The following USP54 variants were observed in gnomAD, a reference collection of about 807,000 sequenced individuals.
USP54 encodes the protein ubiquitin specific peptidase 54.
USP54 carries 87 observed loss-of-function variants against 170.5 expected under a neutral mutation model. The ratio of observed to expected loss-of-function variants is 0.51; its 90% confidence interval spans 0.43 to 0.61. USP54 has a LOEUF of 0.61. Among genes scored for constraint, USP54 ranks in the 20% least tolerant of loss-of-function variants. The pLI is 0.00. For missense variants in USP54, 1,786 were observed against 2,047.8 expected, an observed-to-expected ratio of 0.87 and a Z score of 2.47; for synonymous variants, 655 against 742.8, an observed-to-expected ratio of 0.88 and a Z score of 1.92.
intron 1 of USP54, among the ~76,000 whole-genome samples, chr10:73,620,047 T>TC (rs1196318634): frequency 2.0e-5 from 3 of 150,378 alleles, no homozygotes; most frequent in Non-Finnish European, 2.9e-5. Context: ...GCACAGTGGG[T>TC]CACACCTGTA....
upstream of USP54, among the ~76,000 whole-genome samples, chr10:73,595,630 T>G (rs982747421): frequency 8.5e-5 from 13 of 152,250 alleles, no homozygotes; most frequent in African/African-American, 3.1e-4. Flanking sequence ...TTCATTTATT[T>G]AACTATATCT....
chr10:73,586,221 C>A (rs2077466358), intron 1 of USP54, among the ~76,000 whole-genome samples: 1 of 152,148 alleles, frequency 6.6e-6, no homozygotes, highest in African/African-American at 2.4e-5. Context: ...AACAAATATA[C>A]CCTGTCCTTT....
At chr10:73,622,773 G>C (rs2081194425) in intron 1 of USP54, among the ~76,000 whole-genome samples, 1 of 151,668 alleles carries the variant, frequency 6.6e-6, no homozygotes, top group African/African-American at 2.4e-5. Flanking sequence ...GGCAACATAG[G>C]GAGATCCTGT....
chr10:73,615,290 C>T (rs2080527106), intron 1 of USP54: 1 of 149,052 alleles, frequency 6.7e-6, no homozygotes, highest in Non-Finnish European at 1.5e-5. Flanking sequence ...ACCCGGGAGG[C>T]AGAAGTTGCA....
At chr10:73,541,913 G>T in intron 7 of USP54, 175 bp from the exon 8 acceptor site, 2 of 611,676 alleles carry the variant, frequency 3.3e-6, no homozygotes, top group Non-Finnish European at 5.8e-6. Flanking sequence ...CCTGTCCCCA[G>T]ATCCAAAGCT....
At chr10:73,602,342 G>C (rs1457723689) in intron 1 of USP54, among the ~76,000 whole-genome samples, 1 of 151,712 alleles carries the variant, frequency 6.6e-6, no homozygotes, top group Non-Finnish European at 1.5e-5. Context: ...CACGAGGTCA[G>C]GAGATCAAGA....
At chr10:73,568,369 GA>G (rs1349327805) in intron 4 of USP54, among the ~76,000 whole-genome samples, 29 of 152,256 alleles carry the variant, frequency 1.9e-4, no homozygotes, top group African/African-American at 6.0e-4. Flanking sequence ...AATAGCTCTT[GA>G]AAACTGGCTA....
intron 15 of USP54, among the ~76,000 whole-genome samples, chr10:73,528,385 G>T (rs2063338417): frequency 6.6e-6 from 1 of 151,566 alleles, no homozygotes; most frequent in Admixed American, 6.6e-5. Flanking sequence ...CCAAGTAGCT[G>T]GGATTACAGG....
At chr10:73,624,386 G>GA (rs1397943259) in intron 1 of USP54, 2 of 105,122 alleles carry the variant, frequency 1.9e-5, no homozygotes, top group African/African-American at 7.9e-5. Context: ...TTTTAGTAGA[G>GA]ACGGGGGGGG....
In USP54 at chr10:73,530,739, C is replaced by T; in HGVS notation, c.1412G>A (p.Gly471Asp). 1.2e-6 allele frequency: 2 copies of T among 1,614,186 alleles called. No individual in the cohort carries two copies. Among genetic ancestry groups the T allele is most frequent in the Non-Finnish European group, 8.5e-7 (1 of 1,180,032 alleles). ...KRSSGRVRRK[G>D]DEPQASGYHS... ...GTATCCCGAGGCCTGGGGCTCATCG[C>T]CTTTCCTCCTAACCCGACCAGAGCT... Residue 471 changes from glycine (G) to aspartate (D), a missense_variant, in exon 13 of 24, where the codon GGC (glycine) becomes GAC (aspartate). By Grantham distance (94) the Gly-to-Asp change is moderately conservative (BLOSUM62 -1). Around this residue, in one of 3 missense-constraint regions of USP54, gnomAD observed 1,418 missense variants for 1,569.0 expected, o/e 0.90. Coordinates refer to ENST00000687698, the MANE Select transcript of USP54 (RefSeq NM_001391956.1).
rs1488847551 is a variant in USP54 at position 73,534,700 on chromosome 10, G to A, written c.1215C>T (p.Ser405=). Residue 405 remains serine (S), a synonymous_variant, in exon 12 of 24, where the codon TCC becomes TCT. Coordinates refer to ENST00000687698, the MANE Select transcript of USP54 (RefSeq NM_001391956.1). ...SSTESYPYKH[S]HHESVVSHFS... The stretch of plus-strand genomic sequence containing the variant: ...AGTGACTGACCACAGACTCATGGTG[G>A]GAATGTTTGTAGGGATAGCTCTCCG... 2 of 1,614,136 alleles carry A rather than the reference G, an allele frequency of 1.2e-6. No homozygotes were observed. The highest frequency in any genetic ancestry group is 1.7e-6 in the Non-Finnish European group (2 of 1,180,006).
At chr10:73,537,945 C>T (rs1160054932) in intron 10 of USP54, 1 of 152,298 alleles carries the variant, frequency 6.6e-6, no homozygotes, top group East Asian at 1.9e-4. Flanking sequence ...TGGCTCACAT[C>T]TGTAATCCCA....
At chr10:73,547,325 C>T (rs532492911) in intron 4 of USP54, among the ~76,000 whole-genome samples, 3 of 152,198 alleles carry the variant, frequency 2.0e-5, no homozygotes, top group South Asian at 4.2e-4. Flanking sequence ...CACTTGAACC[C>T]GGGAGGCTGA....
chr10:73,499,789 A>T (rs1366145096), intron 23 of USP54: 1 of 152,610 alleles, frequency 6.6e-6, no homozygotes, highest in African/African-American at 2.4e-5. Context: ...CTGAGATCTA[A>T]TGTGGAATGC....
At chr10:73,521,997 C>T (rs2061977339) in intron 17 of USP54, among the ~76,000 whole-genome samples, 1 of 152,160 alleles carries the variant, frequency 6.6e-6, no homozygotes, top group Non-Finnish European at 1.5e-5. Context: ...TGCCAGTGAG[C>T]CTTCACAAGG....
intron 4 of USP54, among the ~76,000 whole-genome samples, chr10:73,563,928 T>C (rs1479422859): frequency 1.3e-5 from 2 of 152,046 alleles, no homozygotes; most frequent in Non-Finnish European, 2.9e-5. Context: ...TTTTTTTTCA[T>C]GTCTTATTTA....
Position 73,616,825 on chromosome 10 carries a change from AAAAAC to A in USP54, c.-18+8737_-18+8741del, listed in dbSNP as rs770662219. Among the ~76,000 whole-genome samples the A allele has an allele frequency of 3.3e-5, 5 of 150,354 alleles. 1 individual carries two copies. Among genetic ancestry groups the A allele is most frequent in the African/African-American group, 1.3e-4 (5 of 39,688 alleles). ...TAACAACAGAGAGAGACTCTGTCTC[AAAAAC>A]AAAACAAAACAAAACAAAACTTAAA... On this transcript the variant is annotated intron_variant, in intron 1 of 22. Transcript: ENST00000339859.
intron 4 of USP54, among the ~76,000 whole-genome samples, chr10:73,563,922 T>G (rs2073700402): frequency 6.6e-6 from 1 of 152,126 alleles, no homozygotes; most frequent in Non-Finnish European, 1.5e-5. Context: ...CCTAACTTTT[T>G]TTTCATGTCT....
At chr10:73,607,338 A>AAG (rs2079742949) in intron 1 of USP54, among the ~76,000 whole-genome samples, 1 of 40,918 alleles carries the variant, frequency 2.4e-5, no homozygotes, top group East Asian at 4.2e-4. Context: ...AAAAAAAAAG[A>AAG]AAAAAAAAAA....
Sources: gnomAD v4.1 joint callset for allele counts (sites outside exome capture counted in the v4.1 genomes callset) on GRCh38, gnomAD v4.1.1 for gene constraint, gnomAD v4.1.1 regional missense constraint, MANE v1.5 for transcripts, NCBI Gene and HGNC (gene_info 2026-07-23, HGNC 2026-07-21) for gene names.